Variants in RP1 observed in about 807,000 individuals in gnomAD.
The protein encoded by RP1 is oxygen-regulated protein 1.
RP1 carries 16 observed loss-of-function variants against 14.8 expected under a neutral mutation model. The ratio of observed to expected loss-of-function variants is 1.08; its 90% CI spans 0.73 to 1.65. The LOEUF (loss-of-function observed/expected upper bound fraction) is 1.65, where lower values mean the gene tolerates loss of function less well. Ranked by LOEUF, RP1 falls within the 40% of genes most tolerant of loss-of-function variation. The pLI is 0.00. For missense variants in RP1, 2,631 were observed against 2,535.0 expected (o/e 1.04, Z -0.81); for synonymous variants, 876 against 883.6 (o/e 0.99, Z 0.15).
chr8:54,649,199 A>G, intron 4 of RP1: 2 of 1,339,100 alleles, frequency 1.5e-6, no homozygotes, highest in African/African-American at 3.0e-5. Flanking sequence ...TACACCTAGT[A>G]GGTACTTTGG....
At chr8:54,708,716 ATTT>A (rs55828552) in intron 15 of RP1, among the ~76,000 whole-genome samples, 5 of 140,008 alleles carry the variant, frequency 3.6e-5, no homozygotes, top group Non-Finnish European at 7.7e-5. Flanking sequence ...TGACTCTTCC[ATTT>A]TTTTTTTTTT....
chr8:54,777,221 T>C (rs1417380223), intron 23 of RP1, among the ~76,000 whole-genome samples: 1 of 152,222 alleles, frequency 6.6e-6, no homozygotes. Context: ...TATGTTTCAC[T>C]TGTAATGGAA....
At chr8:54,731,588 A>G (rs1808795660) in intron 17 of RP1, among the ~76,000 whole-genome samples, 1 of 152,174 alleles carries the variant, frequency 6.6e-6, no homozygotes, top group Non-Finnish European at 1.5e-5. Flanking sequence ...TCTGCATTAT[A>G]GATTATATCA....
At chr8:54,562,623 G>A (rs1172168040) in intron 1 of RP1, among the ~76,000 whole-genome samples, 1 of 151,944 alleles carries the variant, frequency 6.6e-6, no homozygotes, top group Non-Finnish European at 1.5e-5. Context: ...GCAGTGAACC[G>A]AGATGGTGCC....
chr8:54,621,465 A>G lies in RP1; in HGVS notation c.499A>G (p.Arg167Gly), dbSNP rs1302736189. ...VVFRNGDPKT[R>G]RAVLLSRRVT... ...CTTCAGGAATGGCGACCCGAAGACG[A>G]GGCGTGCGGTTCTTCTGAGCAGGAG... Residue 167 changes from arginine (R) to glycine (G), a missense_variant, in exon 2 of 4, where the codon AGG becomes GGG. Physicochemically the swap from Arg to Gly is moderately radical, Grantham distance 125 (BLOSUM62 -2). Coordinates refer to ENST00000220676, the MANE Select transcript of RP1 (RefSeq NM_006269.2). The G allele has an allele frequency of 1.2e-6, 2 of 1,613,836 alleles. No individual in the cohort carries two copies. The highest frequency in any genetic ancestry group is 2.7e-5 in the African/African-American group (2 of 74,884).
intron 12 of RP1, among the ~76,000 whole-genome samples, chr8:54,684,865 T>C (rs1044472739): frequency 1.3e-5 from 2 of 152,092 alleles, no homozygotes; most frequent in Non-Finnish European, 2.9e-5. Context: ...TGGAAGCCAA[T>C]ATTCTCAGCA....
intron 19 of RP1, among the ~76,000 whole-genome samples, chr8:54,741,382 TC>T (rs1392881529): frequency 6.6e-6 from 1 of 152,084 alleles, no homozygotes; most frequent in East Asian, 1.9e-4. Flanking sequence ...TCTTTCATGC[TC>T]TATTTTTAGT....
intron 24 of RP1, among the ~76,000 whole-genome samples, chr8:54,833,358 T>A (rs1310740634): frequency 6.6e-6 from 1 of 151,962 alleles, no homozygotes; most frequent in Non-Finnish European, 1.5e-5. Context: ...TCATTTAAGG[T>A]CAAATCCCTG....
chr8:54,852,517 A>G, intron 25 of RP1: 1 of 1,129,044 alleles, frequency 8.9e-7, no homozygotes, highest in Non-Finnish European at 1.1e-6. Flanking sequence ...ATATCTAACT[A>G]CATTCAAAGA....
At chr8:54,753,560 C>T (rs1213402831) in intron 19 of RP1, among the ~76,000 whole-genome samples, 2 of 152,080 alleles carry the variant, frequency 1.3e-5, no homozygotes, top group Non-Finnish European at 2.9e-5. Context: ...AGCAGAGCTA[C>T]GAGTGTATGT....
At chr8:54,651,559 T>C (rs1206967627) in intron 4 of RP1, among the ~76,000 whole-genome samples, 1 of 152,176 alleles carries the variant, frequency 6.6e-6, no homozygotes, top group Non-Finnish European at 1.5e-5. Flanking sequence ...ATACTATTGC[T>C]CATAGCATTC....
intron 24 of RP1, among the ~76,000 whole-genome samples, chr8:54,801,793 G>A (rs543925849): frequency 6.6e-6 from 1 of 152,254 alleles, no homozygotes; most frequent in South Asian, 2.1e-4. Context: ...ATCCACTCCA[G>A]GTGAGCACAT....
At chr8:54,767,809 A>C (rs1809797282) in intron 22 of RP1, among the ~76,000 whole-genome samples, 1 of 152,268 alleles carries the variant, frequency 6.6e-6, no homozygotes. Flanking sequence ...AGGGGCTAAC[A>C]AAATGTGCAA....
chr8:54,576,195 C>G (rs371654204), intron 1 of RP1, among the ~76,000 whole-genome samples: 1 of 152,164 alleles, frequency 6.6e-6, no homozygotes, highest in Non-Finnish European at 1.5e-5. Context: ...CGCGCGCCAC[C>G]ACGCCCGGCT....
intron 19 of RP1, among the ~76,000 whole-genome samples, chr8:54,751,373 T>C (rs78908820): frequency 0.038 from 5,756 of 152,288 alleles, 243 homozygotes; most frequent in African/African-American, 0.095. Context: ...GCCATGTTTG[T>C]GATGGTTTGT....
chr8:54,697,213 A>T, intron 12 of RP1: 2 of 677,754 alleles, frequency 3.0e-6, no homozygotes, highest in Non-Finnish European at 5.2e-6. Context: ...TCCAGAGAAG[A>T]TTATTTCCTG....
chr8:54,619,537 C>T (rs188919020), intron 1 of RP1, among the ~76,000 whole-genome samples: 2 of 152,314 alleles, frequency 1.3e-5, no homozygotes, highest in East Asian at 3.9e-4. Context: ...CAGATAAATC[C>T]TTCCACATGC....
intron 1 of RP1, among the ~76,000 whole-genome samples, chr8:54,573,652 G>A (rs1164743315): frequency 1.3e-5 from 2 of 152,146 alleles, no homozygotes; most frequent in Admixed American, 6.5e-5. Context: ...CACTCAACAA[G>A]GTCATAATGA....
chr8:54,674,043 T>A (rs1289979867), intron 8 of RP1: 1 of 753,214 alleles, frequency 1.3e-6, no homozygotes, highest in East Asian at 2.8e-5. Flanking sequence ...TCTCTATGTA[T>A]TGACTATATG....
Sources: allele counts gnomAD v4.1 joint callset (sites outside exome capture counted in the v4.1 genomes callset), GRCh38; gene constraint gnomAD v4.1.1; transcripts MANE v1.5; gene names NCBI Gene and HGNC (gene_info 2026-07-23, HGNC 2026-07-21).